SPAG9: variants seen among roughly 807,000 people sequenced by gnomAD.
The protein encoded by SPAG9 is sperm associated antigen 9.
A neutral mutation model predicts 166.5 loss-of-function variants in SPAG9; 35 were observed. That is an observed-to-expected ratio of 0.21 (90% confidence interval 0.16 to 0.28). SPAG9 has a LOEUF of 0.28. SPAG9 is among the 10% of genes least tolerant of loss of function. The probability of loss-of-function intolerance (pLI) is 1.00; values close to 1 mark genes in which losing one functional copy is unlikely to be tolerated. For synonymous variants in SPAG9, 534 were observed against 565.5 expected, an observed-to-expected ratio of 0.94 and a Z score of 0.79; for missense variants, 1,235 against 1,603.3, an observed-to-expected ratio of 0.77 and a Z score of 3.92.
At position 51,079,667 on chromosome 17, in the gene SPAG9, T is replaced by C. The variant is rs750857863; in HGVS notation, c.341A>G (p.Lys114Arg). 1.3e-5 allele frequency: 21 copies of C among 1,599,388 alleles called. No individual in the cohort carries two copies. The highest frequency in any genetic ancestry group is 6.7e-5 in the Admixed American group (4 of 59,958). The change falls in exon 2 of 30, where the codon AAA (lysine) becomes AGA (arginine). Residue 114 changes from lysine to arginine, a missense_variant. By Grantham distance (26) the Lys-to-Arg change is conservative. Around this residue, in one of 6 missense-constraint regions of SPAG9, gnomAD observed 288 missense variants for 323.7 expected, o/e 0.89. Coordinates refer to ENST00000262013, the MANE Select transcript of SPAG9 (RefSeq NM_001130528.3). ...TTCCACTCGGGTCTGTAAGTCCTTT[T>C]TTTCCTGTTCTTGAGAGTCTTCAAA... ...IEFEDSQEQE[K>R]KDLQTRVESL...
chr17:51,014,802 G>GTACA, intron 8 of SPAG9: 1 of 152,340 alleles, frequency 6.6e-6, no homozygotes, highest in East Asian at 1.9e-4. Context: ...TTACCTTTAA[G>GTACA]GTTAAAAACA....
chr17:50,985,104 G>A, intron 23 of SPAG9, 114 bp from the exon 24 acceptor site: 1 of 786,196 alleles, frequency 1.3e-6, no homozygotes, highest in Non-Finnish European at 2.2e-6. Flanking sequence ...GAGTTAAGGA[G>A]CTGACACCTG....
intron 2 of SPAG9, among the ~76,000 whole-genome samples, chr17:51,060,921 A>G (rs1384952942): frequency 6.8e-6 from 1 of 148,002 alleles, no homozygotes; most frequent in Non-Finnish European, 1.5e-5. Context: ...ATCTCAGCTC[A>G]CTGCAACCTC....
intron 2 of SPAG9, among the ~76,000 whole-genome samples, chr17:51,058,095 T>A (rs2047408225): frequency 6.6e-6 from 1 of 152,224 alleles, no homozygotes; most frequent in Non-Finnish European, 1.5e-5. Context: ...CATTATTTTC[T>A]TGATAATGTG....
Position 50,996,646 on chromosome 17 carries a change from A to G in SPAG9, c.1887T>C (p.Tyr629=), listed in dbSNP as rs2044694802. The change falls in exon 16 of 30, where the codon TAT becomes TAC. Residue 629 remains tyrosine, a synonymous_variant. Transcript: ENST00000262013. ...ASRREQKREQ[Y]RQVKAHVQKE... ...TCTGAACATGTGCTTTTACCTGACG[A>G]TACTGCTCTCTCTTTTGTTCTCTGC... is the stretch of plus-strand genomic sequence containing the variant. 3 of 1,614,012 alleles carry G rather than the reference A, an allele frequency of 1.9e-6. No homozygotes were observed. In the Admixed American group the frequency reaches 5.0e-5, roughly 27 times the overall value.
At chr17:51,106,626 G>A (rs1216790492) in intron 1 of SPAG9, among the ~76,000 whole-genome samples, 1 of 151,820 alleles carries the variant, frequency 6.6e-6, no homozygotes, top group African/African-American at 2.4e-5. Flanking sequence ...GTGAAACCCT[G>A]TCTCTACCAA....
intron 12 of SPAG9, 129 bp downstream of exon 12, chr17:51,005,083 T>C: frequency 2.7e-6 from 2 of 752,698 alleles, no homozygotes; most frequent in Non-Finnish European, 4.4e-6. Context: ...ATCCTATTCA[T>C]GACCATAAAC....
chr17:50,985,041 G>T, intron 23 of SPAG9, 51 bp from the exon 24 acceptor site: 3 of 1,525,882 alleles, frequency 2.0e-6, no homozygotes, highest in South Asian at 1.1e-5. Flanking sequence ...AATACAGAAG[G>T]GACCACATGC....
chr17:51,098,136 T>G (rs1178432019), intron 1 of SPAG9, among the ~76,000 whole-genome samples: 2 of 151,384 alleles, frequency 1.3e-5, no homozygotes, highest in Non-Finnish European at 2.9e-5. Flanking sequence ...CCCCACATAT[T>G]TGGTCACAGA....
chr17:51,007,169 C>G, intron 10 of SPAG9, 100 bp downstream of exon 10: 1 of 599,748 alleles, frequency 1.7e-6, no homozygotes, highest in Non-Finnish European at 2.9e-6. Context: ...CGAGATGGGA[C>G]AGGGAGATTC....
intron 5 of SPAG9, among the ~76,000 whole-genome samples, chr17:51,037,665 T>TTATATATATATATATATATATATATA (rs59365716): frequency 2.9e-4 from 27 of 92,900 alleles, no homozygotes; most frequent in African/African-American, 7.4e-4. Context: ...TATATGTGTT[T>TTATATATATATATATATATATATATA]TATATATATA....
intron 9 of SPAG9, among the ~76,000 whole-genome samples, chr17:51,013,490 A>C (rs1231419529): frequency 3.9e-5 from 6 of 152,176 alleles, no homozygotes; most frequent in Non-Finnish European, 8.8e-5. Context: ...ACAGACAATA[A>C]GTAAATGGTG....
rs764126884 is a variant in SPAG9, at chr17:50,970,810, C to G, written c.3747G>C (p.Thr1249=). 1.9e-6 allele frequency: 3 copies of G among 1,614,056 alleles called. No individual in the cohort carries two copies. In the East Asian group the frequency reaches 6.7e-5, roughly 36 times the overall value. ...PQSSSSGTDL[T]GDKAGPSAQE... ...GTGCAGATGGCCCTGCTTTGTCACCCGTCAGATCCGTGCCACTACTGCTAC... is the reference window on the plus strand; with the variant it reads ...GTGCAGATGGCCCTGCTTTGTCACCGGTCAGATCCGTGCCACTACTGCTAC... Residue 1249 remains threonine (T), a synonymous_variant, in exon 29 of 30, where the codon ACG becomes ACC. Transcript: ENST00000262013.
chr17:51,059,965 G>A (rs2047458364), intron 2 of SPAG9, among the ~76,000 whole-genome samples: 2 of 151,780 alleles, frequency 1.3e-5, no homozygotes, highest in South Asian at 4.2e-4. Flanking sequence ...ATCAAACAGT[G>A]ACTAACCGCT....
chr17:51,013,351 A>G (rs1443037559), intron 9 of SPAG9, among the ~76,000 whole-genome samples: 1 of 152,228 alleles, frequency 6.6e-6, no homozygotes, highest in Non-Finnish European at 1.5e-5. Context: ...CCTTGCACTG[A>G]AAGGAACTTC....
chr17:51,039,742 A>C (rs2046757425), intron 5 of SPAG9, among the ~76,000 whole-genome samples: 1 of 152,144 alleles, frequency 6.6e-6, no homozygotes, highest in Non-Finnish European at 1.5e-5. Context: ...AATTATAATA[A>C]TCTCTTAAGG....
intron 21 of SPAG9, chr17:50,989,434 C>T: frequency 1.8e-6 from 1 of 544,866 alleles, no homozygotes; most frequent in East Asian, 3.3e-5. Context: ...TTGACTGATG[C>T]ATGATTATAC....
At chr17:50,980,965 G>A (rs1974557510) in intron 25 of SPAG9, among the ~76,000 whole-genome samples, 1 of 152,134 alleles carries the variant, frequency 6.6e-6, no homozygotes, top group Non-Finnish European at 1.5e-5. Flanking sequence ...TTGCGCCCCT[G>A]CACTCTATCC....
In SPAG9 at chr17:50,963,511, T is replaced by G. The variant is rs1973213015; in HGVS notation, c.*2761A>C. ...TCCTCTCTCTGGTCCCTGCAGTTAATTAACAGGGCCACAGATAATCTGACA... is the reference window on the plus strand; with the variant it reads ...TCCTCTCTCTGGTCCCTGCAGTTAAGTAACAGGGCCACAGATAATCTGACA... On this transcript the variant is annotated 3_prime_UTR_variant, in exon 30 of 30. Coordinates refer to ENST00000262013, the MANE Select transcript of SPAG9 (RefSeq NM_001130528.3). 6.6e-6 allele frequency: 1 copy of G among 152,210 alleles called. No homozygotes were observed. The highest frequency in any genetic ancestry group is 1.5e-5 in the Non-Finnish European group (1 of 68,032). 9.4% of individuals were successfully genotyped at this position (152,210 alleles called of 1,614,324 possible). A position where few individuals can be genotyped will look rare whatever the true frequency, so the allele number is the denominator to read the frequency against.
Sources: gnomAD v4.1 joint callset for allele counts (sites outside exome capture counted in the v4.1 genomes callset) on GRCh38, gnomAD v4.1.1 for gene constraint, gnomAD v4.1.1 regional missense constraint, MANE v1.5 for transcripts, NCBI Gene and HGNC (gene_info 2026-07-23, HGNC 2026-07-21) for gene names.